Variants in MYT1L observed in about 807,000 individuals in gnomAD.
MYT1L encodes myelin transcription factor 1 like, also known as myelin transcription factor 1-like protein.
MYT1L carries 12 observed loss-of-function variants against 126.7 expected under a neutral mutation model. The observed-to-expected ratio is 0.09, with a 90% confidence interval of 0.06 to 0.15. The LOEUF (loss-of-function observed/expected upper bound fraction) is 0.15. Among genes scored for constraint, MYT1L ranks in the 10% least tolerant of loss-of-function variants. The pLI is 1.00. For synonymous variants in MYT1L, 541 were observed against 604.2 expected, an observed-to-expected ratio of 0.90 and a Z score of 1.53; for missense variants, 979 against 1,585.2, an observed-to-expected ratio of 0.62 and a Z score of 6.49.
chr2:2,252,837 C>A (rs931506394), intron 2 of MYT1L, among the ~76,000 whole-genome samples: 1 of 152,152 alleles, frequency 6.6e-6, no homozygotes, highest in Admixed American at 6.5e-5. Flanking sequence ...CTTTCTTCCC[C>A]CTTATGTGAA....
At chr2:1,840,042 TC>T (rs112243816) in intron 20 of MYT1L, among the ~76,000 whole-genome samples, 142 of 152,380 alleles carry the variant, frequency 9.3e-4, no homozygotes, top group African/African-American at 3.2e-3. Flanking sequence ...TCCTCATGTG[TC>T]CTGAGCAGTG....
intron 3 of MYT1L, among the ~76,000 whole-genome samples, chr2:2,158,002 T>C (rs1165831895): frequency 6.6e-6 from 1 of 152,132 alleles, no homozygotes; most frequent in African/African-American, 2.4e-5. Context: ...TCCTGGCTCC[T>C]TTCTCCATTC....
At chr2:2,192,128 A>T (rs770824794) in intron 2 of MYT1L, among the ~76,000 whole-genome samples, 14 of 152,230 alleles carry the variant, frequency 9.2e-5, no homozygotes, top group Non-Finnish European at 1.5e-4. Context: ...TCTGGTGTGT[A>T]CTTTGCCAGA....
Position 2,255,478 on chromosome 2 carries a change from G to C in MYT1L, c.-421+28926C>G, listed in dbSNP as rs190793478. 3.4e-4 allele frequency among the ~76,000 whole-genome samples: 51 copies of C among 152,234 alleles called. No homozygotes were observed. The Middle Eastern group carries it at 0.01, about 30-fold the overall frequency. On this transcript the variant is annotated intron_variant, in intron 2 of 24. Coordinates refer to ENST00000647738, the MANE Select transcript of MYT1L (RefSeq NM_001303052.2). ...AGCTGCAAACCCACCTAGAAGGGAG[G>C]GGAGAAAGGAGCCACACGGTGAAAT...
intron 1 of MYT1L, among the ~76,000 whole-genome samples, chr2:2,318,914 C>T (rs1348189167): frequency 6.6e-6 from 1 of 152,168 alleles, no homozygotes; most frequent in African/African-American, 2.4e-5. Flanking sequence ...CTAATTCTAA[C>T]CTAACTTGTC....
chr2:2,159,138 G>A (rs1044859780), intron 3 of MYT1L, among the ~76,000 whole-genome samples: 4 of 152,122 alleles, frequency 2.6e-5, no homozygotes, highest in Non-Finnish European at 5.9e-5. Flanking sequence ...GAGCTCCTGA[G>A]ACTCCCAGGA....
chr2:2,301,031 C>A (rs181563489), intron 1 of MYT1L, among the ~76,000 whole-genome samples: 1 of 152,152 alleles, frequency 6.6e-6, no homozygotes, highest in Non-Finnish European at 1.5e-5. Flanking sequence ...ATGAATCCAG[C>A]GAGTGTTCTG....
intron 3 of MYT1L, among the ~76,000 whole-genome samples, chr2:2,109,029 A>T (rs2079068585): frequency 6.6e-6 from 1 of 152,172 alleles, no homozygotes; most frequent in Non-Finnish European, 1.5e-5. Context: ...CAACAAGGCC[A>T]AAGAGACACA....
rs191614587 is a variant in MYT1L, at chr2:2,095,741, G to C, written c.-303-41618C>G. On this transcript the variant is annotated intron_variant, in intron 3 of 24. Coordinates refer to ENST00000647738, the MANE Select transcript of MYT1L (RefSeq NM_001303052.2). The stretch of plus-strand genomic sequence containing the variant: ...CACCTGAATAAATACATGAGCATCA[G>C]GTCTGTGTGGTGACTCCACGGCTCT... Among the ~76,000 whole-genome samples, 377 of 152,270 alleles carry C rather than the reference G, an allele frequency of 2.5e-3. 3 individuals are homozygous for C. Among genetic ancestry groups the C allele is most frequent in the African/African-American group, 8.6e-3 (356 of 41,560 alleles).
intron 4 of MYT1L, among the ~76,000 whole-genome samples, chr2:2,026,270 G>T (rs1285868502): frequency 6.6e-6 from 1 of 152,180 alleles, no homozygotes; most frequent in African/African-American, 2.4e-5. Flanking sequence ...GGTGTGCGGG[G>T]GACGTGGGTG....
In MYT1L at chr2:2,147,347, C is replaced by A. The variant is rs73913215; in HGVS notation, c.-304+25525G>T. On this transcript the variant is annotated intron_variant, in intron 3 of 24. Transcript: ENST00000647738. ...GCCACTCTGCATGGCTGAGAGGGTG[C>A]GAGCACACAGCAGGCACACTGCCTG... Among the ~76,000 whole-genome samples the A allele has an allele frequency of 8.7e-3, 1,322 of 152,306 alleles. 21 individuals carry two copies. Among genetic ancestry groups the A allele is most frequent in the African/African-American group, 0.026 (1,100 of 41,556 alleles).
intron 4 of MYT1L, among the ~76,000 whole-genome samples, chr2:2,037,984 A>G (rs908437332): frequency 6.6e-6 from 1 of 152,146 alleles, no homozygotes; most frequent in Non-Finnish European, 1.5e-5. Context: ...TGTTGTGTCC[A>G]TGTCTTGCTT....
At chr2:2,032,640 C>T (rs112663421) in intron 4 of MYT1L, among the ~76,000 whole-genome samples, 4,804 of 132,224 alleles carry the variant, frequency 0.036, 87 homozygotes, top group East Asian at 0.15. Flanking sequence ...TCCTGTGGCC[C>T]AGAGCAGATT....
chr2:2,113,477 G>A (rs1025492590), intron 3 of MYT1L, among the ~76,000 whole-genome samples: 9 of 152,246 alleles, frequency 5.9e-5, no homozygotes, highest in East Asian at 3.9e-4. Context: ...AGACTCCTAC[G>A]TGCTCCCACT....
At chr2:2,306,692 A>T (rs2095863811) in intron 1 of MYT1L, among the ~76,000 whole-genome samples, 2 of 152,168 alleles carry the variant, frequency 1.3e-5, no homozygotes, top group South Asian at 4.1e-4. Context: ...AGGTCCCTCA[A>T]ATGATGGTGC....
chr2:1,980,999 G>A (rs140688015), intron 5 of MYT1L, among the ~76,000 whole-genome samples: 4 of 152,198 alleles, frequency 2.6e-5, no homozygotes, highest in East Asian at 3.9e-4. Context: ...GAAGAACATC[G>A]GGACTGAGTG....
chr2:2,055,168 A>C (rs928369899), intron 3 of MYT1L, among the ~76,000 whole-genome samples: 2 of 152,244 alleles, frequency 1.3e-5, no homozygotes, highest in Non-Finnish European at 2.9e-5. Flanking sequence ...TTTATGATTG[A>C]GTCTACAAAG....
At chr2:2,254,569 T>G (rs1256173012) in intron 2 of MYT1L, among the ~76,000 whole-genome samples, 1 of 152,240 alleles carries the variant, frequency 6.6e-6, no homozygotes, top group East Asian at 1.9e-4. Flanking sequence ...GATTCAGACA[T>G]GTATGTTTCT....
intron 8 of MYT1L, among the ~76,000 whole-genome samples, chr2:1,975,725 G>A (rs528123278): frequency 1.3e-5 from 2 of 152,270 alleles, no homozygotes; most frequent in East Asian, 1.9e-4. Context: ...TTAGCTGGGC[G>A]TGGTGGCGCA....
Sources: gnomAD v4.1 joint callset for allele counts (sites outside exome capture counted in the v4.1 genomes callset) on GRCh38, gnomAD v4.1.1 for gene constraint, MANE v1.5 for transcripts, NCBI Gene and HGNC (gene_info 2026-07-23, HGNC 2026-07-21) for gene names.